DDAH2: variants seen among roughly 807,000 people sequenced by gnomAD.
The protein encoded by DDAH2 is putative hydrolase DDAH2.
Under a neutral mutation model 24.8 loss-of-function variants are expected in DDAH2, and 8 were observed. That is an observed-to-expected ratio of 0.32 (90% CI 0.19 to 0.58). DDAH2 has a LOEUF of 0.58. Among genes scored for constraint, DDAH2 ranks in the 20% least tolerant of loss-of-function variants. The probability of loss-of-function intolerance (pLI) is 0.87; values close to 1 mark genes in which losing one functional copy is unlikely to be tolerated. For missense variants in DDAH2, 281 were observed against 379.0 expected (o/e 0.74, Z 2.15); for synonymous variants, 151 against 166.1 (o/e 0.91, Z 0.70).
chr6:31,729,550 G>A, upstream of DDAH2: 1 of 246,294 alleles, frequency 4.1e-6, no homozygotes, highest in Non-Finnish European at 7.9e-6. This position sits in a 1 kb window ranked among gnomAD's most constrained non-coding sequence, Gnocchi z 6.7. Context: ...CAAAAATGCA[G>A]CAGCCCCGCC....
At position 31,728,245 on chromosome 6, in the gene DDAH2, G is replaced by A; in HGVS notation, c.519C>T (p.Arg173=). The stretch of plus-strand genomic sequence containing the variant: ...GAGGTCCCCCCATGCCGCAGAGACC[G>A]CGCAGGTGGGAGGGACCCGAGACTG... The part of the protein sequence containing the change: ...TVPVSGPSHL[R]GLCGMGGPRT... The change falls in exon 4 of 6, where the codon CGC becomes CGT. Residue 173 remains arginine, a synonymous_variant. Coordinates refer to ENST00000375789, the MANE Select transcript of DDAH2 (RefSeq NM_001303007.2). The surrounding 1 kb of genome is among the most constrained non-coding windows in gnomAD (Gnocchi z 9.8). The A allele has an allele frequency of 6.2e-7, 1 of 1,612,550 alleles. No homozygotes were observed. The highest frequency in any genetic ancestry group is 8.5e-7 in the Non-Finnish European group (1 of 1,179,804).
upstream of DDAH2, chr6:31,730,008 C>G (rs1329633565): frequency 6.6e-6 from 1 of 152,206 alleles, no homozygotes; most frequent in Non-Finnish European, 1.5e-5. The surrounding 1 kb of genome is among the most constrained non-coding windows in gnomAD (Gnocchi z 5.1). Context: ...CACCCCCAAA[C>G]TCCGGCCCCC....
chr6:31,727,430 A>C lies in DDAH2; in HGVS notation c.742-77T>G. On this transcript the variant is annotated intron_variant, in intron 5 of 5. Coordinates refer to ENST00000375789, the MANE Select transcript of DDAH2 (RefSeq NM_001303007.2). The surrounding 1 kb of genome is among the most constrained non-coding windows in gnomAD (Gnocchi z 6.0). ...GCCAGGCCACTCTTCCAGCCAGCTCAGAGTGGCCCCACCCAGGCTTCTAGA... is the reference window on the plus strand; with the variant it reads ...GCCAGGCCACTCTTCCAGCCAGCTCCGAGTGGCCCCACCCAGGCTTCTAGA... 2 of 1,596,698 alleles carry C rather than the reference A, an allele frequency of 1.3e-6. No individual in the cohort carries two copies.
rs556403791 is a variant in DDAH2 at position 31,727,913 on chromosome 6, C to A, written c.592-221G>T. Among the ~76,000 whole-genome samples, 4 of 152,332 alleles carry A rather than the reference C, an allele frequency of 2.6e-5. No homozygotes were observed. In the South Asian group the frequency reaches 6.2e-4, roughly 24 times the overall value. On this transcript the variant is annotated intron_variant, in intron 4 of 5. Coordinates refer to ENST00000375789, the MANE Select transcript of DDAH2 (RefSeq NM_001303007.2). This position sits in a 1 kb window ranked among gnomAD's most constrained non-coding sequence, Gnocchi z 6.0. ...ATTTTCAACCCCCTACCTTCCCCAG[C>A]CCCTCCTATCTGTCCTACCCATCCT...
upstream of DDAH2, chr6:31,729,512 T>C (rs1807692729): frequency 3.3e-6 from 1 of 299,952 alleles, no homozygotes; most frequent in Non-Finnish European, 6.2e-6. This position sits in a 1 kb window ranked among gnomAD's most constrained non-coding sequence, Gnocchi z 6.7. Flanking sequence ...GCGCCCCTCT[T>C]GGCAGCCACT....
rs1313341039 is a variant in DDAH2, at chr6:31,727,318, A to G, written c.777T>C (p.Pro259=). The G allele has an allele frequency of 9.9e-6, 16 of 1,613,074 alleles. No individual in the cohort carries two copies. The highest frequency in any genetic ancestry group is 1.4e-5 in the Non-Finnish European group (16 of 1,179,998). ...CCTTCTCCAGTTCTGAGCAGGACAC[A>G]GGTACCAGGGTGACATCAGAGAGCT... The part of the protein sequence containing the change: ...LQKLSDVTLV[P]VSCSELEKAG... The change falls in exon 6 of 6, where the codon CCT becomes CCC. Residue 259 remains proline (P), a synonymous_variant. Transcript: ENST00000375789. This position sits in a 1 kb window ranked among gnomAD's most constrained non-coding sequence, Gnocchi z 6.0.
chr6:31,729,335 TCCCACTCCGCCCCA>T, upstream of DDAH2: 1 of 615,006 alleles, frequency 1.6e-6, no homozygotes, highest in East Asian at 2.8e-5. The surrounding 1 kb of genome is among the most constrained non-coding windows in gnomAD (Gnocchi z 6.7). Context: ...TAGGCGTCCC[TCCCACTCCGCCCCA>T]CCCACTCCAG....
Position 31,727,460 on chromosome 6 carries a change from G to A in DDAH2, c.741+83C>T. On this transcript the variant is annotated intron_variant, in intron 5 of 5. Transcript: ENST00000375789. This position sits in a 1 kb window ranked among gnomAD's most constrained non-coding sequence, Gnocchi z 6.0. Reference sequence around the variant, plus strand: ...GGCCCCACCCAGGCTTCTAGAGAAGGTACCCTTCCTTCCTCCCACTAGGAA... The same window carrying A: ...GGCCCCACCCAGGCTTCTAGAGAAGATACCCTTCCTTCCTCCCACTAGGAA... The A allele has an allele frequency of 6.2e-7, 1 of 1,607,896 alleles. No individual in the cohort carries two copies. The highest frequency in any genetic ancestry group is 1.7e-4 in the Middle Eastern group (1 of 6,046).
At chr6:31,729,312 C>T (rs1474215996), upstream of DDAH2, 2 of 654,762 alleles carry the variant, frequency 3.1e-6, no homozygotes, top group Non-Finnish European at 5.2e-6. The surrounding 1 kb of genome is among the most constrained non-coding windows in gnomAD (Gnocchi z 6.7). Context: ...CCAGGTCTTC[C>T]TCCTGCCATC....
rs1190770842 is a variant in DDAH2, at chr6:31,727,537, T to A, written c.741+6A>T. ...GCTTGGTGTTGGAGTTCCTGCCCTC[T>A]CTCACCTCCTGGCTGTTGGGCAGAT... On this transcript the variant is annotated splice_donor_region_variant and intron_variant, in intron 5 of 5. Coordinates refer to ENST00000375789, the MANE Select transcript of DDAH2 (RefSeq NM_001303007.2). This position sits in a 1 kb window ranked among gnomAD's most constrained non-coding sequence, Gnocchi z 6.0. 1 of 1,613,036 alleles carries A rather than the reference T, an allele frequency of 6.2e-7. No homozygotes were observed. Among genetic ancestry groups the A allele is most frequent in the Admixed American group, 1.7e-5 (1 of 60,012 alleles).
chr6:31,728,852 C>G lies in DDAH2; in HGVS notation c.297+13G>C, dbSNP rs758309508. 3 of 1,611,434 alleles carry G rather than the reference C, an allele frequency of 1.9e-6. No homozygotes were observed. The highest frequency in any genetic ancestry group is 1.7e-5 in the Admixed American group (1 of 59,880). ...TGCCTTTCCCCATACCACACCCGCG[C>G]CACGGCGCTCACCTCTGGCCTACGA... On this transcript the variant is annotated intron_variant, in intron 1 of 5. Coordinates refer to ENST00000375789, the MANE Select transcript of DDAH2 (RefSeq NM_001303007.2). The surrounding 1 kb of genome is among the most constrained non-coding windows in gnomAD (Gnocchi z 9.8).
At position 31,727,487 on chromosome 6, in the gene DDAH2, G is replaced by A. The variant is rs1807464332; in HGVS notation, c.741+56C>T. On this transcript the variant is annotated intron_variant, in intron 5 of 5. Coordinates refer to ENST00000375789, the MANE Select transcript of DDAH2 (RefSeq NM_001303007.2). The surrounding 1 kb of genome is among the most constrained non-coding windows in gnomAD (Gnocchi z 6.0). ...ACCCTTCCTTCCTCCCACTAGGAAAGCCTGAAACTCTTTTCTCTGATGGTG... is the reference window on the plus strand; with the variant it reads ...ACCCTTCCTTCCTCCCACTAGGAAAACCTGAAACTCTTTTCTCTGATGGTG... 6.2e-7 allele frequency: 1 copy of A among 1,612,234 alleles called. No homozygotes were observed. Among genetic ancestry groups the A allele is most frequent in the East Asian group, 2.2e-5 (1 of 44,886 alleles).
At position 31,728,814 on chromosome 6, in the gene DDAH2, A is replaced by G; in HGVS notation, c.297+51T>C. ...CTCAATTCTTCCCCAAAGCCCCGAC[A>G]TCCAGTTCCTTCTGCCTTTCCCCAT... On this transcript the variant is annotated intron_variant, in intron 1 of 5. Transcript: ENST00000375789. The surrounding 1 kb of genome is among the most constrained non-coding windows in gnomAD (Gnocchi z 9.8). The G allele has an allele frequency of 6.2e-7, 1 of 1,611,096 alleles. No homozygotes were observed. Among genetic ancestry groups the G allele is most frequent in the Non-Finnish European group, 8.5e-7 (1 of 1,179,072 alleles).
chr6:31,727,776 G>C lies in DDAH2; in HGVS notation c.592-84C>G. On this transcript the variant is annotated intron_variant, in intron 4 of 5. Coordinates refer to ENST00000375789, the MANE Select transcript of DDAH2 (RefSeq NM_001303007.2). The surrounding 1 kb of genome is among the most constrained non-coding windows in gnomAD (Gnocchi z 6.0). Reference sequence around the variant, plus strand: ...TCAACCACCACTAAGGGCTGGGGACGGACTGACATTTGTGGAAAATAATGA... The same window carrying C: ...TCAACCACCACTAAGGGCTGGGGACCGACTGACATTTGTGGAAAATAATGA... The C allele has an allele frequency of 7.0e-7, 1 of 1,435,926 alleles. No individual in the cohort carries two copies. 88.9% of individuals were successfully genotyped at this position (1,435,926 alleles called of 1,614,324 possible). A position where few individuals can be genotyped will look rare whatever the true frequency, so the allele number is the denominator to read the frequency against.
rs73728976 is a variant in DDAH2 at position 31,729,151 on chromosome 6, G to C, written c.11C>G (p.Pro4Arg). The C allele has an allele frequency of 2.2e-3, 3,522 of 1,606,010 alleles. 52 individuals carry two copies. The African/African-American group carries it at 0.04, about 18-fold the overall frequency. Residue 4 changes from proline (P) to arginine (R), a missense_variant, in exon 1 of 6, where the codon CCG (proline) becomes CGG (arginine). Coordinates refer to ENST00000375789, the MANE Select transcript of DDAH2 (RefSeq NM_001303007.2). This position sits in a 1 kb window ranked among gnomAD's most constrained non-coding sequence, Gnocchi z 6.7. The part of the protein sequence containing the change: MGT[P>R]GEGLGRCSHA... ...GGAGCAGCGGCCCAGCCCCTCCCCCGGCGTCCCCATCCCATCCACACAGAC... is the reference window on the plus strand; with the variant it reads ...GGAGCAGCGGCCCAGCCCCTCCCCCCGCGTCCCCATCCCATCCACACAGAC...
rs1252110471 is a variant in DDAH2, at chr6:31,728,556, C to A, written c.398-32G>T. 5 of 1,612,218 alleles carry A rather than the reference C, an allele frequency of 3.1e-6. No individual in the cohort carries two copies. The highest frequency in any genetic ancestry group is 4.2e-6 in the Non-Finnish European group (5 of 1,179,544). On this transcript the variant is annotated intron_variant, in intron 2 of 5. Transcript: ENST00000375789. The surrounding 1 kb of genome is among the most constrained non-coding windows in gnomAD (Gnocchi z 9.8). ...CCGGGAGGCCGCGGAGGTTTGAGGG[C>A]GGGAGTGAGTTAGAAACAAGGCTCC...
At position 31,728,032 on chromosome 6, in the gene DDAH2, C is replaced by A; in HGVS notation, c.591+141G>T. The A allele has an allele frequency of 9.1e-7, 1 of 1,104,808 alleles. No homozygotes were observed. Among genetic ancestry groups the A allele is most frequent in the Non-Finnish European group, 1.3e-6 (1 of 782,346 alleles). The allele number at this position is 1,104,808 out of a possible 1,614,324, so 68.4% of individuals were successfully genotyped here. A position where few individuals can be genotyped will look rare whatever the true frequency, so the allele number is the denominator to read the frequency against. On this transcript the variant is annotated intron_variant, in intron 4 of 5. Coordinates refer to ENST00000375789, the MANE Select transcript of DDAH2 (RefSeq NM_001303007.2). This position sits in a 1 kb window ranked among gnomAD's most constrained non-coding sequence, Gnocchi z 9.8. Reference sequence around the variant, plus strand: ...GTTCCCAGTCCTGCTGTTGTAACTTCTTATTTTCTCCTGTGTTCTTTCATG... The same window carrying A: ...GTTCCCAGTCCTGCTGTTGTAACTTATTATTTTCTCCTGTGTTCTTTCATG...
At position 31,728,753 on chromosome 6, in the gene DDAH2, T is replaced by C. The variant is rs190717045; in HGVS notation, c.298-8A>G. On this transcript the variant is annotated splice_region_variant and splice_polypyrimidine_tract_variant and intron_variant, in intron 1 of 5. Coordinates refer to ENST00000375789, the MANE Select transcript of DDAH2 (RefSeq NM_001303007.2). The surrounding 1 kb of genome is among the most constrained non-coding windows in gnomAD (Gnocchi z 9.8). Reference sequence around the variant, plus strand: ...TTTGCGGACTCCATCGACCTTAGGATAGGAGAAGAGGGCACGGAGCTGTGA... The same window carrying C: ...TTTGCGGACTCCATCGACCTTAGGACAGGAGAAGAGGGCACGGAGCTGTGA... 5.0e-6 allele frequency: 8 copies of C among 1,612,860 alleles called. No homozygotes were observed. The African/African-American group carries it at 9.3e-5, about 19-fold the overall frequency.
upstream of DDAH2, chr6:31,729,482 G>A (rs1332787385): frequency 5.4e-6 from 2 of 370,294 alleles, no homozygotes; most frequent in Non-Finnish European, 9.8e-6. This position sits in a 1 kb window ranked among gnomAD's most constrained non-coding sequence, Gnocchi z 6.7. Context: ...CTGCTTGGGG[G>A]CTTGTGAGGT....
Sources: allele counts gnomAD v4.1 joint callset (sites outside exome capture counted in the v4.1 genomes callset), GRCh38; gene constraint gnomAD v4.1.1; non-coding constraint Gnocchi (gnomAD v3.1); transcripts MANE v1.5; gene names NCBI Gene and HGNC (gene_info 2026-07-23, HGNC 2026-07-21).